CLECL1: variants seen among roughly 807,000 people sequenced by gnomAD.
CLECL1 encodes the protein C-type lectin like 1, also known as C-type lectin-like domain family 1.
At chr12:9,717,281 G>A (rs1362805993) in intron 2 of CLECL1, among the ~76,000 whole-genome samples, 1 of 152,070 alleles carries the variant, frequency 6.6e-6, no homozygotes, top group African/African-American at 2.4e-5. Flanking sequence ...GTTGTGGCAC[G>A]CACCTATAAT....
At chr12:9,723,329 T>C (rs1239320830) in intron 3 of CLECL1, among the ~76,000 whole-genome samples, 1 of 152,196 alleles carries the variant, frequency 6.6e-6, no homozygotes, top group East Asian at 1.9e-4. Context: ...TAACAGCTAG[T>C]TCTAATTTAT....
At chr12:9,715,157 A>C (rs1591714167), downstream of CLECL1, among the ~76,000 whole-genome samples, 1 of 152,186 alleles carries the variant, frequency 6.6e-6, no homozygotes, top group African/African-American at 2.4e-5. Flanking sequence ...AATGAATGAC[A>C]CAAGACCAGT....
exon 4 of CLECL1, chr12:9,722,650 A>T: frequency 8.7e-6 from 14 of 1,613,306 alleles, no homozygotes; most frequent in Non-Finnish European, 1.2e-5. Context: ...TCACCATAGC[A>T]GTAATGTCTT....
the CLECL1 span, among the ~76,000 whole-genome samples, chr12:9,710,689 C>T: frequency 1.3e-5 from 2 of 152,158 alleles, no homozygotes; most frequent in African/African-American, 2.4e-5. Context: ...CGGAGGAACA[C>T]ACAGGGAGAG....
chr12:9,725,874 A>G (rs886276351), intron 3 of CLECL1, among the ~76,000 whole-genome samples: 5 of 152,088 alleles, frequency 3.3e-5, no homozygotes, highest in Non-Finnish European at 5.9e-5. Flanking sequence ...GTGGCCCTTC[A>G]TGGTAATAAT....
chr12:9,722,751 C>T (rs112752598), exon 4 of CLECL1: 7 of 1,613,790 alleles, frequency 4.3e-6, no homozygotes, highest in South Asian at 1.1e-5. Flanking sequence ...TAACATTTTC[C>T]CTTATGCACC....
chr12:9,731,883 T>G (rs1004433344), intron 1 of CLECL1, among the ~76,000 whole-genome samples: 1 of 152,128 alleles, frequency 6.6e-6, no homozygotes. Flanking sequence ...CTGAGTAAAA[T>G]AACCTCTAGA....
chr12:9,706,683 C>T, the CLECL1 span, among the ~76,000 whole-genome samples: 5 of 152,178 alleles, frequency 3.3e-5, no homozygotes, highest in African/African-American at 1.2e-4. Context: ...GTTGAACCAA[C>T]CTTGCATCCC....
At chr12:9,708,668 CAGTTAA>C in the CLECL1 span, among the ~76,000 whole-genome samples, 1 of 152,196 alleles carries the variant, frequency 6.6e-6, no homozygotes, top group African/African-American at 2.4e-5. Flanking sequence ...TAGATAAGGG[CAGTTAA>C]CTCCTATTCT....
downstream of CLECL1, among the ~76,000 whole-genome samples, chr12:9,720,394 T>C (rs150219028): frequency 0.016 from 2,437 of 149,252 alleles, 72 homozygotes; most frequent in African/African-American, 0.057. Context: ...CAGGCTGGAG[T>C]GCGGTGGCTG....
the CLECL1 span, among the ~76,000 whole-genome samples, chr12:9,702,865 TTTCTA>T: frequency 4.6e-5 from 7 of 152,210 alleles, no homozygotes; most frequent in Non-Finnish European, 1.0e-4. Flanking sequence ...GACTGAAAGT[TTTCTA>T]TTCTGTTCCT....
At chr12:9,716,684 C>T in exon 3 of CLECL1, 2 of 815,002 alleles carry the variant, frequency 2.5e-6, no homozygotes, top group Admixed American at 3.5e-5. Context: ...TAAGAAGACC[C>T]CAGAGACAGA....
the CLECL1 span, among the ~76,000 whole-genome samples, chr12:9,703,252 T>A: frequency 6.6e-6 from 1 of 152,220 alleles, no homozygotes; most frequent in Non-Finnish European, 1.5e-5. Flanking sequence ...CCTTAAGGCA[T>A]AAGACAGCTG....
At chr12:9,714,248 GC>G (rs2121034424), downstream of CLECL1, among the ~76,000 whole-genome samples, 1 of 152,298 alleles carries the variant, frequency 6.6e-6, no homozygotes, top group Non-Finnish European at 1.5e-5. Flanking sequence ...TTTTCAGGAG[GC>G]CATTCATTAT....
the CLECL1 span, among the ~76,000 whole-genome samples, chr12:9,707,883 T>C: frequency 6.6e-6 from 1 of 152,240 alleles, no homozygotes; most frequent in African/African-American, 2.4e-5. Flanking sequence ...GCAGCAATTT[T>C]ACTAAGTAAA....
chr12:9,722,465 C>CT, downstream of CLECL1: 1 of 931,188 alleles, frequency 1.1e-6, no homozygotes, highest in Non-Finnish European at 1.4e-6. Context: ...TCCTCCTAGC[C>CT]GGAAAAAAAA....
At chr12:9,710,327 G>A in the CLECL1 span, among the ~76,000 whole-genome samples, 6 of 152,096 alleles carry the variant, frequency 3.9e-5, no homozygotes, top group Admixed American at 6.6e-5. Context: ...TAGACCTCTC[G>A]GAAGCATCCG....
At chr12:9,730,987 C>CT (rs1866440258) in intron 1 of CLECL1, among the ~76,000 whole-genome samples, 1 of 152,184 alleles carries the variant, frequency 6.6e-6, no homozygotes, top group Non-Finnish European at 1.5e-5. Flanking sequence ...TGCCTGGCCA[C>CT]TACACATGTT....
At chr12:9,728,710 A>G (rs2401396) in intron 2 of CLECL1, among the ~76,000 whole-genome samples, 4 of 151,782 alleles carry the variant, frequency 2.6e-5, no homozygotes, top group African/African-American at 9.7e-5. Context: ...GCTAATTATT[A>G]TTGCTCCCCC....
Sources: gnomAD v4.1 joint callset for allele counts (sites outside exome capture counted in the v4.1 genomes callset) on GRCh38, gnomAD v4.1.1 for gene constraint, MANE v1.5 for transcripts, NCBI Gene and HGNC (gene_info 2026-07-23, HGNC 2026-07-21) for gene names.